The following TDRD12 variants were observed in gnomAD, a reference collection of about 807,000 sequenced individuals.
TDRD12 encodes the protein putative ATP-dependent RNA helicase TDRD12.
In TDRD12, 158 loss-of-function variants were observed where a neutral mutation model predicts 133.5. The ratio of observed to expected loss-of-function variants is 1.18; its 90% CI spans 1.04 to 1.35. The LOEUF is 1.35. Ranked by LOEUF, TDRD12 falls within the 40% of genes most tolerant of loss-of-function variation. The pLI is 0.00. For missense variants in TDRD12, 1,443 were observed against 1,321.3 expected (o/e 1.09, Z -1.43); for synonymous variants, 460 against 477.9 (o/e 0.96, Z 0.49).
At chr19:32,806,543 T>C (rs973340608) in intron 21 of TDRD12, among the ~76,000 whole-genome samples, 4 of 152,038 alleles carry the variant, frequency 2.6e-5, no homozygotes, top group Non-Finnish European at 5.9e-5. Context: ...GGGTTCGCCA[T>C]GTTGGCCATG....
At chr19:32,767,248 C>G (rs1327516576) in intron 8 of TDRD12, among the ~76,000 whole-genome samples, 1 of 151,834 alleles carries the variant, frequency 6.6e-6, no homozygotes, top group Non-Finnish European at 1.5e-5. Context: ...CCTGCCTCAG[C>G]CTCCTGAGTA....
At chr19:32,723,904 C>T (rs1396255999) in intron 1 of TDRD12, among the ~76,000 whole-genome samples, 1 of 152,168 alleles carries the variant, frequency 6.6e-6, no homozygotes, top group African/African-American at 2.4e-5. Flanking sequence ...GTTGGCCAGG[C>T]TGGAGCGCAG....
chr19:32,814,828 G>A (rs528028323), intron 25 of TDRD12, among the ~76,000 whole-genome samples: 1 of 152,210 alleles, frequency 6.6e-6, no homozygotes, highest in East Asian at 1.9e-4. Context: ...CACATTCCTG[G>A]GGTTCACCTA....
chr19:32,826,862 C>A, intron 9 of TDRD12, 113 bp downstream of exon 32: 2 of 654,436 alleles, frequency 3.1e-6, no homozygotes, highest in East Asian at 3.4e-5. Context: ...TCATGTCAAG[C>A]CCTGAGAAAT....
chr19:32,820,103 A>C (rs1317456200), intron 27 of TDRD12, among the ~76,000 whole-genome samples: 1 of 152,148 alleles, frequency 6.6e-6, no homozygotes, highest in African/African-American at 2.4e-5. Context: ...GGGCGACTGC[A>C]CAGAGCCTGG....
chr19:32,745,473 A>G (rs1192216848), intron 4 of TDRD12, among the ~76,000 whole-genome samples: 2 of 152,308 alleles, frequency 1.3e-5, no homozygotes, highest in East Asian at 3.9e-4. Context: ...TACTGCCATC[A>G]TTGGGGTATG....
exon 2 of TDRD12, chr19:32,731,738 G>T (rs1203595337): frequency 1.3e-6 from 2 of 1,536,082 alleles, no homozygotes; most frequent in South Asian, 1.2e-5. Flanking sequence ...GAAGATCCAG[G>T]TTGCTTCTGG....
exon 10 of TDRD12, chr19:32,827,762 T>C (rs1022904101): frequency 1.3e-5 from 2 of 152,118 alleles, no homozygotes; most frequent in East Asian, 1.9e-4. Context: ...AAATTCTTCA[T>C]TGACTTAAAA....
intron 8 of TDRD12, among the ~76,000 whole-genome samples, chr19:32,759,888 T>C (rs1970103261): frequency 6.6e-6 from 1 of 152,198 alleles, no homozygotes; most frequent in African/African-American, 2.4e-5. Flanking sequence ...CCCTGGGAGT[T>C]ACTGAATGGG....
chr19:32,800,662 G>T lies in TDRD12; in HGVS notation c.1969G>T (p.Glu657Ter). Residue 657 changes from glutamate to a stop codon, truncating the protein, a stop_gained, in exon 18 of 28, where the codon GAA (glutamate) becomes TAA (stop). Transcript: ENST00000444215. LOFTEE classifies it high-confidence loss of function. ...TTACCAGGTAGTACATCTTTGCCTA[G>T]AATGTGAAAAAACTTCTTCTTTACT... The T allele has an allele frequency of 6.5e-7, 1 of 1,535,212 alleles. No homozygotes were observed. Among genetic ancestry groups the T allele is most frequent in the African/African-American group, 1.4e-5 (1 of 73,078 alleles).
chr19:32,728,510 G>A (rs531290676), intron 1 of TDRD12, among the ~76,000 whole-genome samples: 1 of 151,974 alleles, frequency 6.6e-6, no homozygotes, highest in African/African-American at 2.4e-5. Flanking sequence ...GTAGACAATT[G>A]TGTTCTTTAT....
exon 20 of TDRD12, chr19:32,802,752 G>GCCT: frequency 6.5e-7 from 1 of 1,536,632 alleles, no homozygotes; most frequent in Non-Finnish European, 8.7e-7. Context: ...TTTGGTGGAC[G>GCCT]CCTGTATTGC....
intron 8 of TDRD12, among the ~76,000 whole-genome samples, chr19:32,769,331 G>T (rs1970381640): frequency 6.6e-6 from 1 of 152,198 alleles, no homozygotes; most frequent in African/African-American, 2.4e-5. Flanking sequence ...TGGGCATCCA[G>T]TTGTTCCACT....
chr19:32,819,761 G>A (rs1346011004), intron 27 of TDRD12, among the ~76,000 whole-genome samples: 3 of 152,210 alleles, frequency 2.0e-5, no homozygotes, highest in Non-Finnish European at 2.9e-5. Flanking sequence ...ATTTCATGCT[G>A]TGACCCGCAG....
chr19:32,728,092 C>A (rs958817106), intron 1 of TDRD12, among the ~76,000 whole-genome samples: 2 of 152,170 alleles, frequency 1.3e-5, no homozygotes, highest in African/African-American at 2.4e-5. Context: ...AGGGTTTATT[C>A]TGGACTCTCT....
chr19:32,723,993 G>A (rs1349868154), intron 1 of TDRD12, among the ~76,000 whole-genome samples: 2 of 152,024 alleles, frequency 1.3e-5, no homozygotes, highest in African/African-American at 2.4e-5. Flanking sequence ...GAGTAGCTGG[G>A]CCTAAAGGCA....
chr19:32,736,483 T>C (rs183573209), intron 2 of TDRD12, among the ~76,000 whole-genome samples: 3 of 152,378 alleles, frequency 2.0e-5, no homozygotes, highest in Non-Finnish European at 2.9e-5. Context: ...GTGGCTTTCA[T>C]GCCTCATTTT....
chr19:32,728,645 CTTTT>C (rs61327045), intron 1 of TDRD12, among the ~76,000 whole-genome samples: 1 of 129,082 alleles, frequency 7.7e-6, no homozygotes, highest in Non-Finnish European at 1.6e-5. Context: ...TTTTCTTTTC[CTTTT>C]TTTTTTTTTT....
chr19:32,821,119 G>A (rs1035599340), exon 28 of TDRD12: 15 of 1,536,030 alleles, frequency 9.8e-6, no homozygotes, highest in Non-Finnish European at 1.3e-5. Context: ...TCCAAGACGA[G>A]CTCAGAAAAC....
Sources: gnomAD v4.1 joint callset for allele counts (sites outside exome capture counted in the v4.1 genomes callset) on GRCh38, gnomAD v4.1.1 for gene constraint, MANE v1.5 for transcripts, NCBI Gene and HGNC (gene_info 2026-07-23, HGNC 2026-07-21) for gene names.